The following PTPRD variants were observed in gnomAD, a reference collection of about 807,000 sequenced individuals.
PTPRD encodes the protein receptor-type tyrosine-protein phosphatase delta.
Under a neutral mutation model 214.5 loss-of-function variants are expected in PTPRD, and 34 were observed. The ratio of observed to expected loss-of-function variants is 0.16; its 90% confidence interval spans 0.12 to 0.21. The LOEUF is 0.21. PTPRD is among the 10% of genes least tolerant of loss of function. The pLI is 1.00. For synonymous variants in PTPRD, 1,128 were observed against 845.7 expected, an observed-to-expected ratio of 1.33 and a Z score of -5.79; for missense variants, 2,545 against 2,398.7, an observed-to-expected ratio of 1.06 and a Z score of -1.27.
chr9:9,081,210 G>A (rs892900111), intron 10 of PTPRD, among the ~76,000 whole-genome samples: 17 of 152,012 alleles, frequency 1.1e-4, no homozygotes, highest in African/African-American at 4.1e-4. Context: ...GTTCTCATTG[G>A]TTTTAAATAA....
chr9:10,208,498 A>C (rs1401523014), intron 3 of PTPRD, among the ~76,000 whole-genome samples: 1 of 152,182 alleles, frequency 6.6e-6, no homozygotes, highest in Admixed American at 6.5e-5. Context: ...TGGGCGACAG[A>C]GCGAGACTGC....
chr9:10,496,818 G>C (rs1269588023), intron 2 of PTPRD, among the ~76,000 whole-genome samples: 1 of 151,960 alleles, frequency 6.6e-6, no homozygotes, highest in East Asian at 1.9e-4. Flanking sequence ...ATTTTTGCTT[G>C]TTGAACTGCT....
intron 2 of PTPRD, among the ~76,000 whole-genome samples, chr9:10,469,961 T>A (rs768008697): frequency 4.6e-5 from 7 of 151,322 alleles, no homozygotes; most frequent in Non-Finnish European, 8.8e-5. Context: ...AAAAAAAATC[T>A]CATGAAGGTA....
At chr9:9,430,633 G>C (rs761759752) in intron 8 of PTPRD, among the ~76,000 whole-genome samples, 20 of 151,996 alleles carry the variant, frequency 1.3e-4, no homozygotes, top group Non-Finnish European at 2.8e-4. Context: ...GGAGGCACCA[G>C]ACTACCTGAC....
At chr9:9,885,315 A>C (rs1333712274) in intron 5 of PTPRD, among the ~76,000 whole-genome samples, 1 of 152,112 alleles carries the variant, frequency 6.6e-6, no homozygotes, top group Non-Finnish European at 1.5e-5. Context: ...GGCCAACGTG[A>C]GATAAATTCC....
chr9:10,184,077 T>C (rs1251913197), intron 3 of PTPRD, among the ~76,000 whole-genome samples: 2 of 152,308 alleles, frequency 1.3e-5, no homozygotes, highest in East Asian at 1.9e-4. Context: ...TAAGGTAGGA[T>C]AGGAATAATT....
At chr9:9,324,771 C>G (rs1001517893) in intron 9 of PTPRD, among the ~76,000 whole-genome samples, 1 of 152,120 alleles carries the variant, frequency 6.6e-6, no homozygotes, top group African/African-American at 2.4e-5. Flanking sequence ...TTGCCCATGC[C>G]TATGTCCTGA....
chr9:8,536,434 T>C (rs1289712335), intron 14 of PTPRD, among the ~76,000 whole-genome samples: 1 of 151,828 alleles, frequency 6.6e-6, no homozygotes, highest in Non-Finnish European at 1.5e-5. Flanking sequence ...CACACACATA[T>C]ATACGTATAT....
chr9:9,575,717 C>CAAAAAAAAA (rs757614546), intron 7 of PTPRD, among the ~76,000 whole-genome samples: 67 of 33,312 alleles, frequency 2.0e-3, no homozygotes, highest in African/African-American at 2.4e-3. Context: ...AAGACTGTCT[C>CAAAAAAAAA]AAAAAAAAAA....
At chr9:9,285,807 T>C (rs1949155537) in intron 9 of PTPRD, among the ~76,000 whole-genome samples, 1 of 151,820 alleles carries the variant, frequency 6.6e-6, no homozygotes, top group Non-Finnish European at 1.5e-5. Flanking sequence ...CATAATCTCA[T>C]CTGCTTTCAT....
chr9:9,443,879 G>T (rs1246556039), intron 8 of PTPRD, among the ~76,000 whole-genome samples: 1 of 152,172 alleles, frequency 6.6e-6, no homozygotes, highest in Non-Finnish European at 1.5e-5. Flanking sequence ...TGGATAACTG[G>T]AACAAGCTTG....
intron 3 of PTPRD, among the ~76,000 whole-genome samples, chr9:10,090,493 A>G (rs2098416074): frequency 6.6e-6 from 1 of 151,344 alleles, no homozygotes; most frequent in South Asian, 2.1e-4. Flanking sequence ...GCCATTCACC[A>G]TGATTTTAAC....
At chr9:8,525,944 A>T (rs1416909859) in intron 17 of PTPRD, among the ~76,000 whole-genome samples, 1 of 152,142 alleles carries the variant, frequency 6.6e-6, no homozygotes, top group African/African-American at 2.4e-5. Context: ...CCTGAAGGAC[A>T]GAAGATCCAA....
chr9:10,138,369 G>A (rs1020329246), intron 3 of PTPRD, among the ~76,000 whole-genome samples: 2 of 151,748 alleles, frequency 1.3e-5, no homozygotes, highest in African/African-American at 4.8e-5. Context: ...GACCAATAAC[G>A]AGTTCCAAAA....
chr9:9,688,632 C>T (rs1246554912), intron 7 of PTPRD, among the ~76,000 whole-genome samples: 1 of 151,854 alleles, frequency 6.6e-6, no homozygotes, highest in Non-Finnish European at 1.5e-5. Context: ...ACAATGAATG[C>T]ATATGAACTG....
chr9:9,690,620 G>A (rs141961167), intron 7 of PTPRD, among the ~76,000 whole-genome samples: 1 of 151,988 alleles, frequency 6.6e-6, no homozygotes, highest in African/African-American at 2.4e-5. Context: ...TTAGATTTAA[G>A]CCTTATTCCA....
In PTPRD at chr9:8,507,423, G is replaced by A. The variant is rs2137507166; in HGVS notation, c.1555C>T (p.Pro519Ser). The A allele has an allele frequency of 6.2e-7, 1 of 1,613,884 alleles. No individual in the cohort carries two copies. Among genetic ancestry groups the A allele is most frequent in the East Asian group, 2.2e-5 (1 of 44,862 alleles). Residue 519 changes from proline (P) to serine (S), a missense_variant, in exon 22 of 46, where the codon CCA becomes TCA. By Grantham distance (74) the Pro-to-Ser change is moderately conservative. Transcript: ENST00000381196. ...VITQTGVPGQ[P>S]LNFKAEPESE... ...TCAGGTTCTGCTTTGAAGTTTAGTG[G>A]CTGCCCTGGTACTAAAAACAGGGAG...
At chr9:8,618,790 G>A (rs143341547) in intron 14 of PTPRD, among the ~76,000 whole-genome samples, 85 of 151,790 alleles carry the variant, frequency 5.6e-4, no homozygotes, top group African/African-American at 1.9e-3. Flanking sequence ...TCCACCTCCT[G>A]GGTTCAAGTG....
At chr9:9,970,850 C>G (rs537304161) in intron 4 of PTPRD, among the ~76,000 whole-genome samples, 17 of 152,304 alleles carry the variant, frequency 1.1e-4, no homozygotes, top group African/African-American at 3.9e-4. Context: ...GAATGTCACA[C>G]TGGAACATGG....
Sources: allele counts gnomAD v4.1 joint callset (sites outside exome capture counted in the v4.1 genomes callset), GRCh38; gene constraint gnomAD v4.1.1; transcripts MANE v1.5; gene names NCBI Gene and HGNC (gene_info 2026-07-23, HGNC 2026-07-21).